The following ELMO1 variants were observed in gnomAD, a reference collection of about 807,000 sequenced individuals.
The protein encoded by ELMO1 is engulfment and cell motility 1.
In ELMO1, 26 loss-of-function variants were observed where a neutral mutation model predicts 98.9. That is an observed-to-expected ratio of 0.26 (90% CI 0.19 to 0.36). ELMO1 has a LOEUF of 0.36. Ranked by LOEUF, ELMO1 falls within the 10% of genes least tolerant of loss-of-function variation. The probability of loss-of-function intolerance (pLI) is 1.00; values close to 1 mark genes in which losing one functional copy is unlikely to be tolerated. For missense variants in ELMO1, 627 were observed against 935.2 expected, an observed-to-expected ratio of 0.67 and a Z score of 4.30; for synonymous variants, 346 against 346.0, an observed-to-expected ratio of 1.00 and a Z score of 0.00.
At chr7:37,106,881 G>A (rs1328553993) in intron 14 of ELMO1, among the ~76,000 whole-genome samples, 1 of 152,150 alleles carries the variant, frequency 6.6e-6, no homozygotes, top group Non-Finnish European at 1.5e-5. Flanking sequence ...CAGATCACCT[G>A]GAGACCTTGT....
chr7:37,059,203 A>G (rs964456016), intron 15 of ELMO1, among the ~76,000 whole-genome samples: 8 of 152,210 alleles, frequency 5.3e-5, no homozygotes, highest in African/African-American at 1.9e-4. Flanking sequence ...ATTCTGATCC[A>G]CCAGGGAAAA....
At chr7:37,148,370 T>C (rs1184151747) in intron 13 of ELMO1, among the ~76,000 whole-genome samples, 2 of 152,160 alleles carry the variant, frequency 1.3e-5, no homozygotes, top group Non-Finnish European at 2.9e-5. Flanking sequence ...AAGGCAAACT[T>C]TCCTAGTTAA....
At chr7:37,368,548 G>A (rs1801990358) in intron 1 of ELMO1, among the ~76,000 whole-genome samples, 1 of 152,088 alleles carries the variant, frequency 6.6e-6, no homozygotes, top group Admixed American at 6.5e-5. Context: ...AGAACCGGGA[G>A]GGACTCTCTT....
intron 16 of ELMO1, chr7:36,986,259 AT>A: frequency 2.0e-6 from 2 of 985,440 alleles, no homozygotes; most frequent in Non-Finnish European, 2.4e-6. Flanking sequence ...ACTCCTGCTC[AT>A]TTATTTAGCA....
chr7:37,175,169 C>T (rs181214012), intron 13 of ELMO1, among the ~76,000 whole-genome samples: 1 of 152,136 alleles, frequency 6.6e-6, no homozygotes, highest in East Asian at 1.9e-4. Context: ...AATAAGGAGA[C>T]AAAGAAAAGG....
At chr7:37,024,547 A>C (rs1243012309) in intron 15 of ELMO1, among the ~76,000 whole-genome samples, 5 of 152,176 alleles carry the variant, frequency 3.3e-5, no homozygotes, top group Non-Finnish European at 5.9e-5. Context: ...CCTTAGCACA[A>C]AGTGGATAGG....
chr7:37,107,604 C>T (rs551741119), intron 14 of ELMO1, among the ~76,000 whole-genome samples: 105 of 152,278 alleles, frequency 6.9e-4, no homozygotes, highest in African/African-American at 2.4e-3. Flanking sequence ...TCTCCTTCAC[C>T]GGAGTGCAAA....
At chr7:37,318,171 G>A (rs1799305619) in intron 2 of ELMO1, among the ~76,000 whole-genome samples, 2 of 152,144 alleles carry the variant, frequency 1.3e-5, no homozygotes, top group African/African-American at 4.8e-5. Context: ...GGCTCTTGCT[G>A]TGAGCTGAGG....
chr7:36,972,016 G>A lies in ELMO1; in HGVS notation c.1437+41283C>T, dbSNP rs577675460. Reference sequence around the variant, plus strand: ...GCTGTGTGATTCATGGGTCTGGGGTGCTCTCAGGCAGTGGTTGCTTTCTGG... The same window carrying A: ...GCTGTGTGATTCATGGGTCTGGGGTACTCTCAGGCAGTGGTTGCTTTCTGG... On this transcript the variant is annotated intron_variant, in intron 16 of 21. Transcript: ENST00000310758. Among the ~76,000 whole-genome samples, 18 of 152,274 alleles carry A rather than the reference G, an allele frequency of 1.2e-4. No homozygotes were observed. The South Asian group carries it at 3.3e-3, about 28-fold the overall frequency.
Position 37,378,692 on chromosome 7 carries a change from A to G in ELMO1, c.-73-35929T>C, listed in dbSNP as rs886390846. Among the ~76,000 whole-genome samples, 6 of 152,216 alleles carry G rather than the reference A, an allele frequency of 3.9e-5. No individual in the cohort carries two copies. In the South Asian group the frequency reaches 1.2e-3, roughly 32 times the overall value. ...TGCCCCAAGATCTACTTCTCCTTCAACATTTCCCCTTTCAGAAAATGGTAC... is the reference window on the plus strand; with the variant it reads ...TGCCCCAAGATCTACTTCTCCTTCAGCATTTCCCCTTTCAGAAAATGGTAC... On this transcript the variant is annotated intron_variant, in intron 1 of 21. Transcript: ENST00000310758.
intron 16 of ELMO1, among the ~76,000 whole-genome samples, chr7:36,997,299 TAAC>T (rs576569860): frequency 1.2e-4 from 19 of 152,348 alleles, no homozygotes; most frequent in African/African-American, 4.6e-4. Context: ...TTTTCTGTCT[TAAC>T]AACACCTTTA....
intron 15 of ELMO1, among the ~76,000 whole-genome samples, chr7:37,064,694 C>T (rs927844695): frequency 6.6e-6 from 1 of 152,134 alleles, no homozygotes; most frequent in East Asian, 1.9e-4. Context: ...CCTATTAAAA[C>T]CCTTCCTGCT....
At chr7:37,052,912 A>G (rs1434714047) in intron 15 of ELMO1, among the ~76,000 whole-genome samples, 2 of 152,204 alleles carry the variant, frequency 1.3e-5, no homozygotes, top group African/African-American at 2.4e-5. Flanking sequence ...CTAATGATGC[A>G]ATCTGTCTCT....
At chr7:37,101,639 C>T (rs1030751633) in intron 14 of ELMO1, among the ~76,000 whole-genome samples, 2 of 152,102 alleles carry the variant, frequency 1.3e-5, no homozygotes, top group East Asian at 3.9e-4. Flanking sequence ...TCTTAGGTAC[C>T]TTCCACCGAG....
intron 13 of ELMO1, among the ~76,000 whole-genome samples, chr7:37,210,254 A>G (rs1792878490): frequency 6.6e-6 from 1 of 152,174 alleles, no homozygotes; most frequent in Non-Finnish European, 1.5e-5. Flanking sequence ...CTGGGCTGTA[A>G]GATATTAATT....
At position 36,900,942 on chromosome 7, in the gene ELMO1, G is replaced by A. The variant is rs191087632; in HGVS notation, c.1438-5925C>T. Among the ~76,000 whole-genome samples the A allele has an allele frequency of 1.6e-4, 25 of 152,324 alleles. No homozygotes were observed. In the East Asian group the frequency reaches 4.1e-3, roughly 25 times the overall value. On this transcript the variant is annotated intron_variant, in intron 16 of 21. Transcript: ENST00000310758. Reference sequence around the variant, plus strand: ...ATTCTGCCTGCAGAGGGGTCTGGGGGAAGAAGACCCTAAGTGCTCATGTGT... The same window carrying A: ...ATTCTGCCTGCAGAGGGGTCTGGGGAAAGAAGACCCTAAGTGCTCATGTGT...
chr7:37,438,596 T>C (rs1160438409), intron 1 of ELMO1, among the ~76,000 whole-genome samples: 2 of 30,254 alleles, frequency 6.6e-5, no homozygotes, highest in African/African-American at 2.5e-4. Context: ...TGAGACTCTG[T>C]CTCAAAAAAA....
At chr7:36,903,952 G>A (rs1026067562) in intron 16 of ELMO1, among the ~76,000 whole-genome samples, 14 of 152,202 alleles carry the variant, frequency 9.2e-5, no homozygotes, top group Admixed American at 3.9e-4. Flanking sequence ...CTGCTTGGGC[G>A]GGTCCCTCAG....
chr7:37,441,703 G>A (rs1463275638), intron 1 of ELMO1, among the ~76,000 whole-genome samples: 2 of 152,180 alleles, frequency 1.3e-5, no homozygotes, highest in African/African-American at 4.8e-5. Flanking sequence ...AATTCAAAAC[G>A]TTGTTAAGAA....
Sources: allele counts gnomAD v4.1 joint callset (sites outside exome capture counted in the v4.1 genomes callset), GRCh38; gene constraint gnomAD v4.1.1; transcripts MANE v1.5; gene names NCBI Gene and HGNC (gene_info 2026-07-23, HGNC 2026-07-21).